The following ARHGEF3 variants were observed in gnomAD, a reference collection of about 807,000 sequenced individuals.
The protein encoded by ARHGEF3 is 59.8 kDA protein.
In ARHGEF3, 28 loss-of-function variants were observed where a neutral mutation model predicts 63.2. The observed-to-expected ratio is 0.44, with a 90% CI of 0.33 to 0.61. The LOEUF is 0.61. ARHGEF3 is among the 20% of genes least tolerant of loss of function. ARHGEF3 has a pLI of 0.03. For missense variants in ARHGEF3, 533 were observed against 659.3 expected (o/e 0.81, Z 2.10); for synonymous variants, 266 against 254.2 (o/e 1.05, Z -0.44).
intron 2 of ARHGEF3, chr3:56,975,650 G>A (rs1701096743): frequency 3.9e-6 from 1 of 258,636 alleles, no homozygotes; most frequent in Non-Finnish European, 7.7e-6. Flanking sequence ...ATCAGAGTGG[G>A]ATTCAAACCC....
chr3:56,781,845 A>C (rs1369522848), intron 1 of ARHGEF3, among the ~76,000 whole-genome samples: 1 of 152,196 alleles, frequency 6.6e-6, no homozygotes, highest in Non-Finnish European at 1.5e-5. Flanking sequence ...AATGTCTCCC[A>C]GCTGAATAGG....
chr3:57,019,282 C>T (rs1311476112), intron 2 of ARHGEF3, among the ~76,000 whole-genome samples: 1 of 152,222 alleles, frequency 6.6e-6, no homozygotes, highest in Non-Finnish European at 1.5e-5. Flanking sequence ...ATTTCTCCTC[C>T]ATGGATGGAC....
chr3:56,798,173 G>T (rs2037464341), intron 1 of ARHGEF3, among the ~76,000 whole-genome samples: 2 of 152,158 alleles, frequency 1.3e-5, no homozygotes, highest in Non-Finnish European at 2.9e-5. Flanking sequence ...AAGGCTACTG[G>T]CTAAGTCAAA....
intron 2 of ARHGEF3, among the ~76,000 whole-genome samples, chr3:56,972,442 T>C (rs145698036): frequency 2.0e-5 from 3 of 152,222 alleles, no homozygotes; most frequent in East Asian, 3.9e-4. Context: ...ATTTTAGGCA[T>C]AGGGATACAG....
intron 3 of ARHGEF3, among the ~76,000 whole-genome samples, chr3:56,887,530 C>T (rs1212892717): frequency 6.6e-6 from 1 of 152,134 alleles, no homozygotes; most frequent in Non-Finnish European, 1.5e-5. Flanking sequence ...TAAGTGGCAG[C>T]TCCTGTTATG....
intron 2 of ARHGEF3, chr3:57,007,402 T>C: frequency 4.8e-6 from 6 of 1,262,818 alleles, no homozygotes; most frequent in South Asian, 1.3e-5. Flanking sequence ...TGAGCTGGAA[T>C]TGATTTTGTT....
At chr3:56,903,905 C>A (rs751176420) in intron 3 of ARHGEF3, among the ~76,000 whole-genome samples, 33 of 152,174 alleles carry the variant, frequency 2.2e-4, no homozygotes, top group Non-Finnish European at 4.3e-4. Context: ...TCTCACTCAC[C>A]CAGGCTGGAG....
At chr3:57,066,354 C>G (rs1368060996) in intron 1 of ARHGEF3, among the ~76,000 whole-genome samples, 1 of 152,048 alleles carries the variant, frequency 6.6e-6, no homozygotes, top group African/African-American at 2.4e-5. Flanking sequence ...CTCCGCCTCC[C>G]AGGTTCAAGC....
intron 3 of ARHGEF3, among the ~76,000 whole-genome samples, chr3:56,891,844 G>A (rs1018811984): frequency 5.3e-5 from 8 of 152,136 alleles, no homozygotes; most frequent in African/African-American, 1.7e-4. Context: ...GCACCGGGGG[G>A]AAAATCATGG....
intron 4 of ARHGEF3, among the ~76,000 whole-genome samples, chr3:56,827,294 C>T (rs1166286698): frequency 1.3e-5 from 2 of 152,176 alleles, no homozygotes; most frequent in Non-Finnish European, 2.9e-5. Flanking sequence ...CAACCACTGT[C>T]TCTGTATGAC....
Position 56,951,453 on chromosome 3 carries a change from T to C in ARHGEF3, c.129+7370A>G, listed in dbSNP as rs536583415. ...ATATATATTTTAGACATAATGCTAT[T>C]ACACACTTAATAGACTACAGTATAG... On this transcript the variant is annotated intron_variant, in intron 3 of 12. Coordinates refer to the ARHGEF3 transcript ENST00000338458. 1.6e-3 allele frequency among the ~76,000 whole-genome samples: 250 copies of C among 152,108 alleles called. 4 individuals are homozygous for C. Among genetic ancestry groups the C allele is most frequent in the African/African-American group, 5.8e-3 (239 of 41,380 alleles).
At chr3:56,994,103 A>T (rs1701883423) in intron 2 of ARHGEF3, among the ~76,000 whole-genome samples, 1 of 150,268 alleles carries the variant, frequency 6.7e-6, no homozygotes, top group Non-Finnish European at 1.5e-5. Context: ...GTAGATTATA[A>T]CACACAATCT....
At chr3:56,895,245 T>G (rs965442038) in intron 3 of ARHGEF3, among the ~76,000 whole-genome samples, 1 of 152,186 alleles carries the variant, frequency 6.6e-6, no homozygotes, top group Non-Finnish European at 1.5e-5. Flanking sequence ...TGACAGATTC[T>G]CTACGGACTA....
At chr3:57,011,561 C>G (rs1044965894) in intron 2 of ARHGEF3, among the ~76,000 whole-genome samples, 1 of 152,152 alleles carries the variant, frequency 6.6e-6, no homozygotes, top group Admixed American at 6.5e-5. Context: ...GACAGCCCCC[C>G]ACCTTCCCCC....
intron 2 of ARHGEF3, among the ~76,000 whole-genome samples, chr3:56,970,715 A>T (rs1700872185): frequency 6.6e-6 from 1 of 152,238 alleles, no homozygotes. Flanking sequence ...TATCTTTAGA[A>T]CAACTTTTCA....
At chr3:56,777,543 T>C (rs2036343412) in intron 1 of ARHGEF3, among the ~76,000 whole-genome samples, 2 of 152,306 alleles carry the variant, frequency 1.3e-5, no homozygotes, top group East Asian at 3.9e-4. Flanking sequence ...CCTCAACAGG[T>C]AAAAGCCAAA....
At chr3:57,030,995 G>A (rs1258556661) in intron 2 of ARHGEF3, among the ~76,000 whole-genome samples, 1 of 152,238 alleles carries the variant, frequency 6.6e-6, no homozygotes, top group East Asian at 1.9e-4. Flanking sequence ...GGGAGCCCCA[G>A]TCCTTGAGGA....
At chr3:57,012,828 T>C (rs1325700050) in intron 2 of ARHGEF3, among the ~76,000 whole-genome samples, 1 of 152,144 alleles carries the variant, frequency 6.6e-6, no homozygotes, top group African/African-American at 2.4e-5. Context: ...TGGGAACCCA[T>C]CTCTGGGCTG....
chr3:57,032,827 T>C (rs1196234592), intron 2 of ARHGEF3, among the ~76,000 whole-genome samples: 1 of 151,348 alleles, frequency 6.6e-6, no homozygotes, highest in Non-Finnish European at 1.5e-5. Flanking sequence ...CCTGGGGGAG[T>C]ATAAGTATAC....
Sources: allele counts gnomAD v4.1 joint callset (sites outside exome capture counted in the v4.1 genomes callset), GRCh38; gene constraint gnomAD v4.1.1; transcripts MANE v1.5; gene names NCBI Gene and HGNC (gene_info 2026-07-23, HGNC 2026-07-21).